ZFAT: variants seen among roughly 807,000 people sequenced by gnomAD.
ZFAT encodes zinc finger protein ZFAT.
ZFAT carries 64 observed loss-of-function variants against 117.7 expected under a neutral mutation model. The ratio of observed to expected loss-of-function variants is 0.54; its 90% CI spans 0.44 to 0.67. The LOEUF is 0.67. ZFAT is among the 30% of genes least tolerant of loss of function. The pLI is 0.00. For missense variants in ZFAT, 1,433 were observed against 1,584.5 expected, an observed-to-expected ratio of 0.90 and a Z score of 1.62; for synonymous variants, 679 against 615.0, an observed-to-expected ratio of 1.10 and a Z score of -1.54.
At chr8:134,653,777 A>G (rs1831427633) in intron 2 of ZFAT, among the ~76,000 whole-genome samples, 1 of 152,222 alleles carries the variant, frequency 6.6e-6, no homozygotes. Flanking sequence ...GAAATGAAGA[A>G]ATATCCAGTA....
chr8:134,526,382 T>C lies in ZFAT; in HGVS notation c.3116-5381A>G, dbSNP rs570801540. 4.6e-5 allele frequency among the ~76,000 whole-genome samples: 7 copies of C among 152,340 alleles called. No homozygotes were observed. The South Asian group carries it at 1.4e-3, about 32-fold the overall frequency. On this transcript the variant is annotated intron_variant, in intron 12 of 15. Transcript: ENST00000377838. Reference sequence around the variant, plus strand: ...ATCAAAGCTGAGAGAAATTAATTTCTATTTGGATTCATTAAATTCTTAGGC... The same window carrying C: ...ATCAAAGCTGAGAGAAATTAATTTCCATTTGGATTCATTAAATTCTTAGGC...
chr8:134,745,891 T>C, the ZFAT span, among the ~76,000 whole-genome samples: 1 of 152,192 alleles, frequency 6.6e-6, no homozygotes, highest in Non-Finnish European at 1.5e-5. Context: ...CTATTTAGTA[T>C]AGAAAGATGG....
chr8:134,712,429 A>C (rs1437243003), intron 1 of ZFAT, among the ~76,000 whole-genome samples: 1 of 150,878 alleles, frequency 6.6e-6, no homozygotes, highest in Non-Finnish European at 1.5e-5. Context: ...GGAAGCCTGC[A>C]GGAGGTACTC....
intron 3 of ZFAT, among the ~76,000 whole-genome samples, chr8:134,623,877 C>A (rs1451755573): frequency 1.3e-5 from 2 of 152,056 alleles, no homozygotes; most frequent in African/African-American, 4.8e-5. Context: ...CCCACCTCAC[C>A]TGCTCTCCAG....
chr8:134,664,831 T>A (rs999692916), intron 1 of ZFAT, among the ~76,000 whole-genome samples: 2 of 152,264 alleles, frequency 1.3e-5, no homozygotes, highest in African/African-American at 4.8e-5. Context: ...GATGCATTTT[T>A]AGGTCCAATT....
chr8:134,619,112 T>C (rs570790695), intron 3 of ZFAT, among the ~76,000 whole-genome samples: 27 of 152,248 alleles, frequency 1.8e-4, no homozygotes, highest in African/African-American at 6.0e-4. Flanking sequence ...GTCAAAAATA[T>C]CATTGTCAAA....
chr8:134,523,874 T>C (rs1318876484), intron 12 of ZFAT, among the ~76,000 whole-genome samples: 1 of 152,178 alleles, frequency 6.6e-6, no homozygotes. Flanking sequence ...ACCAAACACA[T>C]AGAGCCATCA....
Position 134,503,699 on chromosome 8 carries a change from G to A in ZFAT, c.3492+5920C>T, listed in dbSNP as rs761555268. Among the ~76,000 whole-genome samples the A allele has an allele frequency of 4.6e-5, 7 of 152,130 alleles. No homozygotes were observed. The South Asian group carries it at 1.0e-3, about 23-fold the overall frequency. ...GGTGACCCTCCCCTTTTGAAAAGGAGGGAATTCTTCCTCCCAACAGCCTTC... is the reference window on the plus strand; with the variant it reads ...GGTGACCCTCCCCTTTTGAAAAGGAAGGAATTCTTCCTCCCAACAGCCTTC... On this transcript the variant is annotated intron_variant, in intron 15 of 15. Transcript: ENST00000377838.
At chr8:134,751,290 GT>G in the ZFAT span, among the ~76,000 whole-genome samples, 2 of 152,312 alleles carry the variant, frequency 1.3e-5, no homozygotes, top group East Asian at 3.9e-4. Context: ...TTTCACTGGG[GT>G]CAGGGGGCTC....
chr8:134,601,993 C>T lies in ZFAT; in HGVS notation c.1726G>A (p.Glu576Lys). Residue 576 changes from glutamate (E) to lysine (K), a missense_variant, in exon 6 of 16, where the codon GAG (glutamate) becomes AAG (lysine). Glu to Lys is a moderately conservative substitution (Grantham distance 56, BLOSUM62 1). This residue lies in a region of ZFAT where 372 missense variants were observed against 355.6 expected (regional missense o/e 1.05). Coordinates refer to ENST00000377838, the MANE Select transcript of ZFAT (RefSeq NM_020863.4). Reference sequence around the variant, plus strand: ...GAGGAGACCACGGTGGTTTCCAGCTCACAGGGTGGCAGGGCTGTGCTTTCG... The same window carrying T: ...GAGGAGACCACGGTGGTTTCCAGCTTACAGGGTGGCAGGGCTGTGCTTTCG... The part of the protein sequence containing the change: ...QAESTALPPC[E>K]LETTVVSSSD... The T allele has an allele frequency of 6.2e-7, 1 of 1,613,536 alleles. No homozygotes were observed. Among genetic ancestry groups the T allele is most frequent in the South Asian group, 1.1e-5 (1 of 91,074 alleles).
chr8:134,567,660 T>C (rs1308975949), intron 10 of ZFAT, among the ~76,000 whole-genome samples: 1 of 152,082 alleles, frequency 6.6e-6, no homozygotes, highest in Non-Finnish European at 1.5e-5. Context: ...GAGAAGGCCC[T>C]CCAGAATCAG....
intron 11 of ZFAT, among the ~76,000 whole-genome samples, chr8:134,539,145 A>G (rs1822060313): frequency 6.6e-6 from 1 of 152,214 alleles, no homozygotes; most frequent in African/African-American, 2.4e-5. Flanking sequence ...AAAAACCTCT[A>G]ACTACATTAA....
intron 15 of ZFAT, among the ~76,000 whole-genome samples, chr8:134,500,118 A>C (rs1407802012): frequency 6.6e-6 from 1 of 152,148 alleles, no homozygotes; most frequent in Non-Finnish European, 1.5e-5. Context: ...CCTGGCCTTG[A>C]CCCCAAACTT....
intron 15 of ZFAT, among the ~76,000 whole-genome samples, chr8:134,490,931 C>T (rs1172684406): frequency 6.6e-6 from 1 of 152,168 alleles, no homozygotes; most frequent in African/African-American, 2.4e-5. Context: ...GAGCTCTCCT[C>T]CACCACGCCT....
intron 10 of ZFAT, among the ~76,000 whole-genome samples, chr8:134,579,386 T>C (rs551006909): frequency 1.3e-5 from 2 of 152,300 alleles, no homozygotes; most frequent in African/African-American, 2.4e-5. Context: ...GCACATCTTA[T>C]ATGGTGGCAG....
At chr8:134,715,451 C>T (rs964247332), upstream of ZFAT, among the ~76,000 whole-genome samples, 1 of 152,220 alleles carries the variant, frequency 6.6e-6, no homozygotes, top group African/African-American at 2.4e-5. Context: ...TAAGAGATGG[C>T]CCCTTTCTGT....
chr8:134,541,532 G>A (rs552104601), intron 11 of ZFAT, among the ~76,000 whole-genome samples: 3 of 152,160 alleles, frequency 2.0e-5, no homozygotes, highest in Admixed American at 1.3e-4. Flanking sequence ...CAAGTATTAC[G>A]TTATAAGCAA....
chr8:134,515,053 G>A (rs1251080164), intron 13 of ZFAT, among the ~76,000 whole-genome samples: 2 of 152,156 alleles, frequency 1.3e-5, no homozygotes, highest in African/African-American at 2.4e-5. Flanking sequence ...GTGAGAACAT[G>A]TAGTGTTTGG....
At chr8:134,681,806 A>T (rs1216404881) in intron 1 of ZFAT, among the ~76,000 whole-genome samples, 2 of 152,222 alleles carry the variant, frequency 1.3e-5, no homozygotes, top group African/African-American at 2.4e-5. Flanking sequence ...TAATTTAATA[A>T]GGGCCAGTAG....
Sources: allele counts gnomAD v4.1 joint callset (sites outside exome capture counted in the v4.1 genomes callset), GRCh38; gene constraint gnomAD v4.1.1; regional missense constraint gnomAD v4.1.1; transcripts MANE v1.5; gene names NCBI Gene and HGNC (gene_info 2026-07-23, HGNC 2026-07-21).